PRDM16: variants seen among roughly 807,000 people sequenced by gnomAD.
The protein encoded by PRDM16 is PR/SET domain 16.
Under a neutral mutation model 110.6 loss-of-function variants are expected in PRDM16, and 23 were observed. That is an observed-to-expected ratio of 0.21 (90% CI 0.15 to 0.29). PRDM16 has a LOEUF of 0.29. PRDM16 is among the 10% of genes least tolerant of loss of function. The pLI is 1.00. For synonymous variants in PRDM16, 799 were observed against 781.8 expected (o/e 1.02, Z -0.37); for missense variants, 1,615 against 1,794.3 (o/e 0.90, Z 1.81).
intron 1 of PRDM16, among the ~76,000 whole-genome samples, chr1:3,114,191 A>ACGCACACGCGCGCG (rs1168887132): frequency 7.6e-6 from 1 of 131,714 alleles, no homozygotes; most frequent in East Asian, 2.5e-4. Context: ...ACACGCACAC[A>ACGCACACGCGCGCG]CGCACACGCA....
chr1:3,321,543 C>T (rs1277538152), intron 3 of PRDM16, among the ~76,000 whole-genome samples: 1 of 142,132 alleles, frequency 7.0e-6, no homozygotes, highest in Non-Finnish European at 1.5e-5. Flanking sequence ...TGTGTATGTA[C>T]GTTTGTGTGT....
chr1:3,425,488 C>G lies in PRDM16; in HGVS notation c.2940-93C>G. Reference sequence around the variant, plus strand: ...GCAAAGCTGTGCACGGGGCACGGGGCAGGGGCGCGGGCTCCCTTCCCCCCA... The same window carrying G: ...GCAAAGCTGTGCACGGGGCACGGGGGAGGGGCGCGGGCTCCCTTCCCCCCA... On this transcript the variant is annotated intron_variant, in intron 12 of 16. Transcript: ENST00000270722. The surrounding 1 kb of genome is among the most constrained non-coding windows in gnomAD (Gnocchi z 6.9). The G allele has an allele frequency of 7.3e-7, 1 of 1,372,734 alleles. No individual in the cohort carries two copies. The highest frequency in any genetic ancestry group is 1.3e-5 in the South Asian group (1 of 75,664). The allele number at this position is 1,372,734 out of a possible 1,614,324, so 85.0% of individuals were successfully genotyped here.
intron 2 of PRDM16, among the ~76,000 whole-genome samples, chr1:3,195,446 C>A (rs187796195): frequency 6.6e-6 from 1 of 152,256 alleles, no homozygotes; most frequent in Admixed American, 6.5e-5. Context: ...CCGCTGCAGC[C>A]CAGCAGAGGG....
intron 3 of PRDM16, among the ~76,000 whole-genome samples, chr1:3,375,212 A>T (rs1268913964): frequency 6.6e-6 from 1 of 151,980 alleles, no homozygotes; most frequent in Non-Finnish European, 1.5e-5. Flanking sequence ...TCTCTGAAGC[A>T]CCCTAGAGGG....
intron 3 of PRDM16, among the ~76,000 whole-genome samples, chr1:3,367,076 T>C (rs1292371415): frequency 6.6e-6 from 1 of 152,190 alleles, no homozygotes; most frequent in Non-Finnish European, 1.5e-5. Context: ...GAGACCAGTC[T>C]GGCCAACATG....
intron 3 of PRDM16, among the ~76,000 whole-genome samples, chr1:3,341,899 G>A (rs1190992991): frequency 1.3e-5 from 2 of 152,220 alleles, no homozygotes; most frequent in African/African-American, 4.8e-5. Context: ...CTTCGGGTAG[G>A]TTAGGTGTAT....
chr1:3,312,171 T>C (rs1641477171), intron 3 of PRDM16, among the ~76,000 whole-genome samples: 1 of 152,214 alleles, frequency 6.6e-6, no homozygotes, highest in African/African-American at 2.4e-5. Flanking sequence ...AAATGAGATC[T>C]GACTCCAAAG....
chr1:3,141,724 A>C (rs1423052424), intron 1 of PRDM16, among the ~76,000 whole-genome samples: 1 of 152,214 alleles, frequency 6.6e-6, no homozygotes, highest in Non-Finnish European at 1.5e-5. Context: ...GTGCTTTGCC[A>C]GTCTTGATAT....
chr1:3,187,112 G>A lies in PRDM16; in HGVS notation c.387+638G>A, dbSNP rs574645982. Among the ~76,000 whole-genome samples, 13 of 152,320 alleles carry A rather than the reference G, an allele frequency of 8.5e-5. No individual in the cohort carries two copies. The East Asian group carries it at 2.1e-3, about 25-fold the overall frequency. The stretch of plus-strand genomic sequence containing the variant: ...TCAGGAGAGAGGGCGTCCCTGGGAC[G>A]GCTCTGAGAGGGAAGCACCCGGAGT... On this transcript the variant is annotated intron_variant, in intron 2 of 16. Coordinates refer to ENST00000270722, the MANE Select transcript of PRDM16 (RefSeq NM_022114.4).
intron 3 of PRDM16, among the ~76,000 whole-genome samples, chr1:3,313,979 A>G (rs1641530870): frequency 6.6e-6 from 1 of 150,786 alleles, no homozygotes; most frequent in Admixed American, 6.6e-5. Flanking sequence ...TCATCTGAAT[A>G]TGAAATGTAA....
intron 1 of PRDM16, among the ~76,000 whole-genome samples, chr1:3,111,930 C>T (rs1642805630): frequency 6.6e-6 from 1 of 152,194 alleles, no homozygotes; most frequent in South Asian, 2.1e-4. Flanking sequence ...TCGAAATTAA[C>T]TTCCATTGAG....
intron 2 of PRDM16, among the ~76,000 whole-genome samples, chr1:3,228,041 C>T (rs1248162371): frequency 1.3e-5 from 2 of 152,224 alleles, no homozygotes; most frequent in Non-Finnish European, 2.9e-5. Context: ...TCCGGGAAAG[C>T]GAGATCTTTA....
intron 1 of PRDM16, among the ~76,000 whole-genome samples, chr1:3,165,694 C>T (rs1359781196): frequency 1.3e-5 from 1 of 75,724 alleles, no homozygotes; most frequent in Non-Finnish European, 2.4e-5. Flanking sequence ...GGCCCAGGGA[C>T]AGGGACTCAC....
intron 2 of PRDM16, among the ~76,000 whole-genome samples, chr1:3,231,532 G>A (rs919228875): frequency 4.6e-5 from 7 of 152,150 alleles, no homozygotes; most frequent in African/African-American, 1.2e-4. Context: ...GTGTTTCTGG[G>A]ACTCACAATG....
chr1:3,144,127 C>T (rs1014956667), intron 1 of PRDM16, among the ~76,000 whole-genome samples: 1 of 152,232 alleles, frequency 6.6e-6, no homozygotes, highest in African/African-American at 2.4e-5. Context: ...TATCTGCCAC[C>T]TGGACCCAGC....
chr1:3,242,388 G>A (rs905553783), intron 2 of PRDM16, among the ~76,000 whole-genome samples: 6 of 152,198 alleles, frequency 3.9e-5, no homozygotes, highest in African/African-American at 9.7e-5. Context: ...TCACTACGGC[G>A]GGATCTGTCC....
chr1:3,072,393 T>C (rs1236309065), intron 1 of PRDM16, among the ~76,000 whole-genome samples: 1 of 152,080 alleles, frequency 6.6e-6, no homozygotes, highest in African/African-American at 2.4e-5. Context: ...CCCACCTAGG[T>C]GGCAGACCCC....
At chr1:3,194,019 G>A (rs1345020896) in intron 2 of PRDM16, among the ~76,000 whole-genome samples, 3 of 152,242 alleles carry the variant, frequency 2.0e-5, no homozygotes, top group Non-Finnish European at 4.4e-5. Context: ...AAGCTCCCAG[G>A]AGATCCTAAT....
rs533714963 is a variant in PRDM16 at position 3,318,244 on chromosome 1, G to A, written c.439-66908G>A. 4.9e-4 allele frequency among the ~76,000 whole-genome samples: 74 copies of A among 152,280 alleles called. 1 individual carries two copies. Among genetic ancestry groups the A allele is most frequent in the South Asian group, 4.8e-3 (23 of 4,820 alleles). On this transcript the variant is annotated intron_variant, in intron 3 of 16. Transcript: ENST00000270722. ...AATAACTGTATTAAGAAGGTCTTCC[G>A]AGCTCCTTTCTGCTGTGTCCCATCG...
Sources: allele counts gnomAD v4.1 joint callset (sites outside exome capture counted in the v4.1 genomes callset), GRCh38; gene constraint gnomAD v4.1.1; non-coding constraint Gnocchi (gnomAD v3.1); transcripts MANE v1.5; gene names NCBI Gene and HGNC (gene_info 2026-07-23, HGNC 2026-07-21).